The following SAMMSON variants were observed in gnomAD, a reference collection of about 807,000 sequenced individuals.
SAMMSON encodes the protein long intergenic non-protein coding RNA 1212.
intron 4 of SAMMSON, among the ~76,000 whole-genome samples, chr3:70,209,589 C>T (rs1036133466): frequency 6.6e-6 from 1 of 152,076 alleles, no homozygotes; most frequent in Non-Finnish European, 1.5e-5. Flanking sequence ...GGTAAATTGT[C>T]CAAGGCCTCC....
intron 4 of SAMMSON, among the ~76,000 whole-genome samples, chr3:70,102,224 C>T (rs1164433279): frequency 6.6e-6 from 1 of 152,074 alleles, no homozygotes; most frequent in Non-Finnish European, 1.5e-5. Flanking sequence ...TTTTTCTCCT[C>T]TTCTCTATTC....
At chr3:70,264,769 G>C (rs1200055148) in intron 6 of SAMMSON, among the ~76,000 whole-genome samples, 2 of 152,228 alleles carry the variant, frequency 1.3e-5, no homozygotes. Flanking sequence ...TGAATCTCAT[G>C]ATAGGGAAAA....
intron 4 of SAMMSON, among the ~76,000 whole-genome samples, chr3:70,159,896 T>C (rs1003597491): frequency 6.6e-6 from 1 of 152,080 alleles, no homozygotes; most frequent in Non-Finnish European, 1.5e-5. Context: ...AGTGTGAAAC[T>C]GTCTCCTTGT....
chr3:70,161,633 T>G lies in SAMMSON; in HGVS notation n.508-87474T>G, dbSNP rs528517984. On this transcript the variant is annotated intron_variant and non_coding_transcript_variant, in intron 4 of 9. Coordinates refer to ENST00000642114, the Ensembl canonical transcript of SAMMSON. ...TATTGGTCTGTGGTTTTTGCTTTTT[T>G]GATGATGTATTTGTTTGACTTTAGT... Among the ~76,000 whole-genome samples the G allele has an allele frequency of 4.7e-4, 71 of 152,022 alleles. 1 individual carries two copies. The highest frequency in any genetic ancestry group is 3.4e-3 in the Middle Eastern group (1 of 294).
chr3:70,329,237 A>G (rs1285296877), intron 7 of SAMMSON, among the ~76,000 whole-genome samples: 1 of 152,148 alleles, frequency 6.6e-6, no homozygotes. Context: ...GATTAACCAT[A>G]TATCTTTAAT....
rs73117917 is a variant in SAMMSON, at chr3:70,227,479, C to A, written n.508-21628C>A. 6.2e-3 allele frequency among the ~76,000 whole-genome samples: 948 copies of A among 152,268 alleles called. 7 individuals carry two copies. The highest frequency in any genetic ancestry group is 0.012 in the South Asian group (58 of 4,818). On this transcript the variant is annotated intron_variant and non_coding_transcript_variant, in intron 4 of 9. Coordinates refer to ENST00000642114, the Ensembl canonical transcript of SAMMSON. Reference sequence around the variant, plus strand: ...CCACTGACTTTGGCAATATGGAGGTCATTGGAGACTTTTGCTAGAACAATT... The same window carrying A: ...CCACTGACTTTGGCAATATGGAGGTAATTGGAGACTTTTGCTAGAACAATT...
intron 4 of SAMMSON, among the ~76,000 whole-genome samples, chr3:70,180,908 G>C (rs1701048713): frequency 6.6e-6 from 1 of 152,054 alleles, no homozygotes; most frequent in Non-Finnish European, 1.5e-5. Flanking sequence ...CAAAGCTTTA[G>C]GCCTGAAGTT....
chr3:70,036,707 A>G (rs893081895), intron 3 of SAMMSON, among the ~76,000 whole-genome samples: 20 of 152,260 alleles, frequency 1.3e-4, no homozygotes, highest in African/African-American at 4.8e-4. Flanking sequence ...AGTCAAATCA[A>G]GAGCAAAGAT....
intron 4 of SAMMSON, among the ~76,000 whole-genome samples, chr3:70,149,462 C>T (rs1187772364): frequency 6.6e-6 from 1 of 152,024 alleles, no homozygotes; most frequent in African/African-American, 2.4e-5. Context: ...GCTGGGCGCT[C>T]ATTAAAGATG....
At chr3:70,139,190 C>G (rs1317814762) in intron 4 of SAMMSON, among the ~76,000 whole-genome samples, 2 of 152,078 alleles carry the variant, frequency 1.3e-5, no homozygotes, top group African/African-American at 4.8e-5. Context: ...ACACATGACA[C>G]CACACCCAGA....
rs116815077 is a variant in SAMMSON, at chr3:70,430,756, T to C, written n.234-31804T>C. On this transcript the variant is annotated intron_variant and non_coding_transcript_variant, in intron 2 of 3. Coordinates refer to the SAMMSON transcript ENST00000641053. ...AAGATCAAGATATTTAAAAATATTTTTCAACCCATCAGATTAATCAAGAAT... is the reference window on the plus strand; with the variant it reads ...AAGATCAAGATATTTAAAAATATTTCTCAACCCATCAGATTAATCAAGAAT... Among the ~76,000 whole-genome samples the C allele has an allele frequency of 8.4e-3, 1,285 of 152,306 alleles. 11 individuals carry two copies. Among genetic ancestry groups the C allele is most frequent in the African/African-American group, 0.029 (1,219 of 41,578 alleles).
At chr3:70,323,160 A>G (rs917066566) in intron 7 of SAMMSON, among the ~76,000 whole-genome samples, 8 of 152,166 alleles carry the variant, frequency 5.3e-5, no homozygotes, top group Non-Finnish European at 1.2e-4. Flanking sequence ...TCTAAAATGC[A>G]CAGGACGTAA....
At chr3:70,380,933 C>T (rs1256984108) in intron 9 of SAMMSON, among the ~76,000 whole-genome samples, 1 of 152,116 alleles carries the variant, frequency 6.6e-6, no homozygotes, top group East Asian at 1.9e-4. Flanking sequence ...TTTCTTAATC[C>T]AGTCTATCAT....
At chr3:70,418,748 A>C (rs1701284626) in intron 2 of SAMMSON, among the ~76,000 whole-genome samples, 1 of 152,226 alleles carries the variant, frequency 6.6e-6, no homozygotes, top group Non-Finnish European at 1.5e-5. Flanking sequence ...CCAGCAGTGT[A>C]TAATTCTCTT....
intron 3 of SAMMSON, among the ~76,000 whole-genome samples, chr3:70,055,796 C>T (rs1223584116): frequency 2.0e-5 from 3 of 152,052 alleles, no homozygotes; most frequent in African/African-American, 7.2e-5. Context: ...CCTTTTCTTT[C>T]AGGATCTGAA....
intron 4 of SAMMSON, among the ~76,000 whole-genome samples, chr3:70,085,322 T>C (rs1250774193): frequency 6.6e-6 from 1 of 152,230 alleles, no homozygotes; most frequent in African/African-American, 2.4e-5. Context: ...GAGAATTCTT[T>C]CTGGGTTCCC....
chr3:70,033,903 A>G (rs1271891650), intron 3 of SAMMSON, among the ~76,000 whole-genome samples: 1 of 152,124 alleles, frequency 6.6e-6, no homozygotes. Flanking sequence ...AGGATGGGGA[A>G]GGACAGGAGA....
At chr3:70,433,494 T>A (rs1279731458) in intron 2 of SAMMSON, among the ~76,000 whole-genome samples, 1 of 152,158 alleles carries the variant, frequency 6.6e-6, no homozygotes, top group Admixed American at 6.6e-5. Flanking sequence ...GCCTGTTTTT[T>A]AATCAGATTG....
intron 7 of SAMMSON, among the ~76,000 whole-genome samples, chr3:70,298,776 A>T (rs1448056337): frequency 6.6e-6 from 1 of 152,096 alleles, no homozygotes; most frequent in Non-Finnish European, 1.5e-5. Context: ...CTTCAAGTAG[A>T]TTTCAAAGCA....
Sources: gnomAD v4.1 joint callset for allele counts (sites outside exome capture counted in the v4.1 genomes callset) on GRCh38, gnomAD v4.1.1 for gene constraint, MANE v1.5 for transcripts, NCBI Gene and HGNC (gene_info 2026-07-23, HGNC 2026-07-21) for gene names.